Variants in PCDHGB4 observed in about 807,000 individuals in gnomAD.
PCDHGB4 encodes the protein protocadherin gamma-B4.
In PCDHGB4, 38 loss-of-function variants were observed where a neutral mutation model predicts 60.5. That is an observed-to-expected ratio of 0.63 (90% CI 0.48 to 0.82). The LOEUF is 0.82. Among genes scored for constraint, PCDHGB4 ranks in the 40% least tolerant of loss-of-function variants. PCDHGB4 has a pLI of 0.00. For missense variants in PCDHGB4, 1,109 were observed against 1,209.6 expected, an observed-to-expected ratio of 0.92 and a Z score of 1.23; for synonymous variants, 456 against 509.7, an observed-to-expected ratio of 0.89 and a Z score of 1.42.
chr5:141,487,058 C>T lies in PCDHGB4; in HGVS notation c.2398-7749C>T, dbSNP rs775720601. 23 of 1,613,980 alleles carry T rather than the reference C, an allele frequency of 1.4e-5. No individual in the cohort carries two copies. The highest frequency in any genetic ancestry group is 1.0e-4 in the Admixed American group (6 of 59,996). ...AGTCTCTCGATATGCTGGGGAGGTGCGGACGGCTGTTCCTATCCCAGCTGA... is the reference window on the plus strand; with the variant it reads ...AGTCTCTCGATATGCTGGGGAGGTGTGGACGGCTGTTCCTATCCCAGCTGA... On this transcript the variant is annotated intron_variant, in intron 1 of 3. Transcript: ENST00000519479. The surrounding 1 kb of genome is among the most constrained non-coding windows in gnomAD (Gnocchi z 5.0).
intron 1 of PCDHGB4, chr5:141,395,534 G>T: frequency 8.7e-6 from 3 of 344,098 alleles, no homozygotes; most frequent in East Asian, 5.8e-5. Context: ...TGGTAATTTT[G>T]CTATTGTTTG....
intron 1 of PCDHGB4, chr5:141,441,665 A>G (rs994092543): frequency 2.3e-5 from 6 of 265,720 alleles, no homozygotes; most frequent in Non-Finnish European, 3.7e-5. Context: ...CCTTGAGCGC[A>G]CAGTGCGCCT....
intron 1 of PCDHGB4, chr5:141,410,427 A>G (rs746046310): frequency 1.4e-5 from 22 of 1,613,832 alleles, no homozygotes; most frequent in East Asian, 1.1e-4. Flanking sequence ...GTTCCCCCCA[A>G]CTACAGTGAG....
intron 1 of PCDHGB4, chr5:141,412,079 T>C (rs148830663): frequency 3.3e-4 from 50 of 152,342 alleles, no homozygotes; most frequent in African/African-American, 1.1e-3. Context: ...GAACAATTGC[T>C]ACTGGGTTGA....
At chr5:141,429,945 T>C (rs1443623730) in intron 1 of PCDHGB4, among the ~76,000 whole-genome samples, 1 of 152,222 alleles carries the variant, frequency 6.6e-6, no homozygotes, top group East Asian at 1.9e-4. Flanking sequence ...ACTTCCATTA[T>C]TTCCAGTCAA....
At chr5:141,409,351 G>A (rs756967611) in intron 1 of PCDHGB4, 7 of 1,613,982 alleles carry the variant, frequency 4.3e-6, no homozygotes, top group Non-Finnish European at 5.9e-6. Flanking sequence ...GAGAAGTCAG[G>A]TGTAATATAG....
Position 141,389,767 on chromosome 5 carries a change from G to A in PCDHGB4, c.1883G>A (p.Arg628His), listed in dbSNP as rs2091900481. 1 of 1,613,028 alleles carries A rather than the reference G, an allele frequency of 6.2e-7. No homozygotes were observed. The highest frequency in any genetic ancestry group is 8.5e-7 in the Non-Finnish European group (1 of 1,179,726). The change falls in exon 1 of 4, where the codon CGT becomes CAT. Residue 628 changes from arginine (R) to histidine (H), a missense_variant. Arg to His is a conservative substitution (Grantham distance 29, BLOSUM62 0). Transcript: ENST00000519479. The part of the protein sequence containing the change: ...GLRTGEVRTA[R>H]ALGDRDAVRQ... ...CGCACGGGCGAAGTGCGCACAGCGC[G>A]TGCCTTAGGCGACAGGGACGCCGTC...
In PCDHGB4 at chr5:141,422,440, T is replaced by G. The variant is rs1028472076; in HGVS notation, c.2397+32159T>G. 11 of 1,610,116 alleles carry G rather than the reference T, an allele frequency of 6.8e-6. No homozygotes were observed. The highest frequency in any genetic ancestry group is 2.7e-5 in the African/African-American group (2 of 74,560). On this transcript the variant is annotated intron_variant, in intron 1 of 3. Transcript: ENST00000519479. ...AAAGACTTATGGAAATTATTACAAATTGATAACAAGCAGAGTGCTGGACAG... is the reference window on the plus strand; with the variant it reads ...AAAGACTTATGGAAATTATTACAAAGTGATAACAAGCAGAGTGCTGGACAG...
Position 141,406,695 on chromosome 5 carries a change from A to T in PCDHGB4, c.2397+16414A>T, listed in dbSNP as rs62378452. Among the ~76,000 whole-genome samples, 1,219 of 152,310 alleles carry T rather than the reference A, an allele frequency of 8.0e-3. 8 individuals are homozygous for T. Among genetic ancestry groups the T allele is most frequent in the Non-Finnish European group, 0.011 (770 of 68,010 alleles). Reference sequence around the variant, plus strand: ...GAATAGTAGGACATTCTTCTTTTCTATAGTATATGCTTGCTCAAGAGAAGT... The same window carrying T: ...GAATAGTAGGACATTCTTCTTTTCTTTAGTATATGCTTGCTCAAGAGAAGT... On this transcript the variant is annotated intron_variant, in intron 1 of 3. Coordinates refer to ENST00000519479, the MANE Select transcript of PCDHGB4 (RefSeq NM_003736.4).
At chr5:141,411,895 A>G (rs945335839) in intron 1 of PCDHGB4, 1 of 152,254 alleles carries the variant, frequency 6.6e-6, no homozygotes, top group Non-Finnish European at 1.5e-5. Context: ...TAAATGAAAT[A>G]CTATTGCCTT....
At chr5:141,503,263 C>T (rs2099818883) in intron 2 of PCDHGB4, among the ~76,000 whole-genome samples, 2 of 152,212 alleles carry the variant, frequency 1.3e-5, no homozygotes, top group South Asian at 4.2e-4. Context: ...GCCACAACCC[C>T]AGCACCTGGC....
chr5:141,489,159 T>G lies in PCDHGB4; in HGVS notation c.2398-5648T>G. On this transcript the variant is annotated intron_variant, in intron 1 of 3. Transcript: ENST00000519479. This position sits in a 1 kb window ranked among gnomAD's most constrained non-coding sequence, Gnocchi z 4.5. ...AGGCTGGAAGGAGACATAAGAGACT[T>G]CAGCTGCTGCATTCCAAGCCCTGGG... is the stretch of plus-strand genomic sequence containing the variant. 2 of 1,023,152 alleles carry G rather than the reference T, an allele frequency of 2.0e-6. No individual in the cohort carries two copies. Among genetic ancestry groups the G allele is most frequent in the Non-Finnish European group, 2.9e-6 (2 of 697,120 alleles). The allele number at this position is 1,023,152 out of a possible 1,614,324, so 63.4% of individuals were successfully genotyped here. A position where few individuals can be genotyped will look rare whatever the true frequency, so the allele number is the denominator to read the frequency against.
chr5:141,463,616 T>C (rs941383375), intron 1 of PCDHGB4, among the ~76,000 whole-genome samples: 28 of 151,762 alleles, frequency 1.8e-4, no homozygotes, highest in Non-Finnish European at 2.1e-4. Flanking sequence ...GCCCGGCTAA[T>C]TTTTTGTATT....
At chr5:141,415,540 T>C (rs1202920204) in intron 1 of PCDHGB4, 9 of 1,614,184 alleles carry the variant, frequency 5.6e-6, no homozygotes, top group Non-Finnish European at 7.6e-6. Context: ...CCAGGAGAGC[T>C]GTGAGAAAAA....
rs1562063782 is a variant in PCDHGB4, at chr5:141,477,676, A to G, written c.2398-17131A>G. ...TAAATCGTGACAATGGCATAGTGTC[A>G]TCCTTAGTGCCCCTAGACTATGAGG... On this transcript the variant is annotated intron_variant, in intron 1 of 3. Coordinates refer to ENST00000519479, the MANE Select transcript of PCDHGB4 (RefSeq NM_003736.4). This position sits in a 1 kb window ranked among gnomAD's most constrained non-coding sequence, Gnocchi z 4.9. The G allele has an allele frequency of 1.2e-6, 2 of 1,614,194 alleles. No homozygotes were observed. The highest frequency in any genetic ancestry group is 1.7e-6 in the Non-Finnish European group (2 of 1,180,046).
intron 1 of PCDHGB4, among the ~76,000 whole-genome samples, chr5:141,457,459 CA>C (rs1402759850): frequency 6.6e-6 from 1 of 152,166 alleles, no homozygotes; most frequent in Non-Finnish European, 1.5e-5. Context: ...CCACTTGATT[CA>C]CAGGAATAAG....
chr5:141,416,699 T>C (rs1232694721), intron 1 of PCDHGB4: 1 of 152,092 alleles, frequency 6.6e-6, no homozygotes, highest in Non-Finnish European at 1.5e-5. Context: ...AAACAAAGGA[T>C]CATTGGAGGT....
rs548823035 is a variant in PCDHGB4 at position 141,499,447 on chromosome 5, C to T, written c.2456+4582C>T. ...AGAAAAAAAATTAAAAGGAAAACCA[C>T]CCATCATTTTACAATCTAGGGAGAA... On this transcript the variant is annotated intron_variant, in intron 2 of 3. Transcript: ENST00000519479. Among the ~76,000 whole-genome samples the T allele has an allele frequency of 3.8e-4, 58 of 152,250 alleles. 1 individual carries two copies. In the East Asian group the frequency reaches 9.1e-3, roughly 24 times the overall value.
chr5:141,477,708 G>T lies in PCDHGB4; in HGVS notation c.2398-17099G>T. ...GTGCCCCTAGACTATGAGGATCGGC[G>T]GGAATTTGAATTAACAGCTCATATC... On this transcript the variant is annotated intron_variant, in intron 1 of 3. Transcript: ENST00000519479. The surrounding 1 kb of genome is among the most constrained non-coding windows in gnomAD (Gnocchi z 4.9). 2 of 1,613,930 alleles carry T rather than the reference G, an allele frequency of 1.2e-6. No individual in the cohort carries two copies. Among genetic ancestry groups the T allele is most frequent in the Non-Finnish European group, 1.7e-6 (2 of 1,180,030 alleles).
Sources: allele counts gnomAD v4.1 joint callset (sites outside exome capture counted in the v4.1 genomes callset), GRCh38; gene constraint gnomAD v4.1.1; non-coding constraint Gnocchi (gnomAD v3.1); transcripts MANE v1.5; gene names NCBI Gene and HGNC (gene_info 2026-07-23, HGNC 2026-07-21).